ROR1: variants seen among roughly 807,000 people sequenced by gnomAD.
ROR1 encodes ROR family WNT receptor 1, also known as inactive tyrosine-protein kinase transmembrane receptor ROR1.
In ROR1, 19 loss-of-function variants were observed where a neutral mutation model predicts 78.8. The ratio of observed to expected loss-of-function variants is 0.24; its 90% confidence interval spans 0.17 to 0.35. The LOEUF (loss-of-function observed/expected upper bound fraction) is 0.35, where lower values mean the gene tolerates loss of function less well. ROR1 is among the 10% of genes least tolerant of loss of function. The pLI is 1.00. For missense variants in ROR1, 917 were observed against 1,177.8 expected (o/e 0.78, Z 3.24); for synonymous variants, 386 against 433.6 (o/e 0.89, Z 1.36).
intron 4 of ROR1, among the ~76,000 whole-genome samples, chr1:64,125,014 G>A (rs1408417): frequency 0.14 from 21,513 of 152,202 alleles, 2,008 homozygotes; most frequent in Non-Finnish European, 0.2. Context: ...TGCTTGCAAA[G>A]TTTGTATTGA....
intron 1 of ROR1, among the ~76,000 whole-genome samples, chr1:63,915,740 T>C (rs1308662682): frequency 1.3e-5 from 2 of 152,026 alleles, no homozygotes; most frequent in African/African-American, 2.4e-5. Context: ...TTTTTGATTT[T>C]GCCAGAAAGA....
intron 8 of ROR1, among the ~76,000 whole-genome samples, chr1:64,167,477 A>G (rs1284014048): frequency 6.6e-6 from 1 of 152,260 alleles, no homozygotes; most frequent in African/African-American, 2.4e-5. Context: ...ATAAGCCAGA[A>G]GGCACTTAAT....
At chr1:64,133,407 C>A (rs1368230958) in intron 4 of ROR1, among the ~76,000 whole-genome samples, 1 of 152,170 alleles carries the variant, frequency 6.6e-6, no homozygotes, top group African/African-American at 2.4e-5. Flanking sequence ...GATGGGCACT[C>A]CTTTTGCTGC....
intron 4 of ROR1, among the ~76,000 whole-genome samples, chr1:64,061,237 A>C (rs1206089330): frequency 6.6e-6 from 1 of 152,162 alleles, no homozygotes; most frequent in Non-Finnish European, 1.5e-5. Context: ...CATTTTTACC[A>C]AGTTTTTTTC....
At chr1:64,048,035 TG>T (rs1450386283) in intron 2 of ROR1, among the ~76,000 whole-genome samples, 1 of 152,182 alleles carries the variant, frequency 6.6e-6, no homozygotes, top group Non-Finnish European at 1.5e-5. Context: ...CTTCTGAATT[TG>T]GGGGGACGGA....
chr1:64,111,179 C>T (rs1648079469), intron 4 of ROR1: 1 of 152,136 alleles, frequency 6.6e-6, no homozygotes, highest in African/African-American at 2.4e-5. Flanking sequence ...AGGAGCCAGA[C>T]TTAAGAAAGT....
chr1:63,774,456 C>G lies in ROR1; in HGVS notation c.39C>G (p.Leu13=). The G allele has an allele frequency of 8.5e-7, 1 of 1,173,302 alleles. No homozygotes were observed. Among genetic ancestry groups the G allele is most frequent in the Non-Finnish European group, 1.0e-6 (1 of 955,214 alleles). 72.7% of individuals were successfully genotyped at this position (1,173,302 alleles called of 1,614,324 possible). The part of the protein sequence containing the change: ...RPRRRGTRPP[L]LALLAALLLA... ...GCCGCCGCGGGACGCGCCCGCCGCT[C>G]CTGGCGCTGCTGGCCGCGCTGCTGC... Residue 13 remains leucine, a synonymous_variant, in exon 1 of 9, where the codon CTC becomes CTG. Transcript: ENST00000371079. This position sits in a 1 kb window ranked among gnomAD's most constrained non-coding sequence, Gnocchi z 5.7.
chr1:64,017,150 GC>G (rs1646527955), intron 2 of ROR1, among the ~76,000 whole-genome samples: 1 of 151,890 alleles, frequency 6.6e-6, no homozygotes, highest in Non-Finnish European at 1.5e-5. Flanking sequence ...CAAGCAATCT[GC>G]CCCCTCGGCC....
intron 8 of ROR1, among the ~76,000 whole-genome samples, chr1:64,169,737 G>A (rs969745593): frequency 4.6e-5 from 7 of 152,220 alleles, no homozygotes; most frequent in Non-Finnish European, 7.3e-5. Flanking sequence ...CTATGAGCCT[G>A]TAAAATCAAA....
chr1:64,039,174 T>C (rs1464671965), intron 2 of ROR1, among the ~76,000 whole-genome samples: 1 of 152,196 alleles, frequency 6.6e-6, no homozygotes, highest in African/African-American at 2.4e-5. Context: ...AATACAGATC[T>C]TGCATAATGA....
chr1:63,791,054 G>C (rs1644723227), intron 1 of ROR1, among the ~76,000 whole-genome samples: 2 of 152,166 alleles, frequency 1.3e-5, no homozygotes, highest in Admixed American at 1.3e-4. Flanking sequence ...AGGCAGTAGT[G>C]GGGAGGAGAG....
intron 4 of ROR1, among the ~76,000 whole-genome samples, chr1:64,055,925 C>A (rs79054365): frequency 0.043 from 6,540 of 152,184 alleles, 466 homozygotes; most frequent in African/African-American, 0.15. Context: ...TAAGTAGAAT[C>A]CGACAATATT....
chr1:63,805,439 T>C (rs1472889290), intron 1 of ROR1, among the ~76,000 whole-genome samples: 2 of 152,146 alleles, frequency 1.3e-5, no homozygotes, highest in African/African-American at 2.4e-5. Context: ...AGAAAGAAGA[T>C]GGGGGCAAAT....
At chr1:64,127,896 T>A (rs1648770117) in intron 4 of ROR1, among the ~76,000 whole-genome samples, 1 of 152,068 alleles carries the variant, frequency 6.6e-6, no homozygotes, top group South Asian at 2.1e-4. Flanking sequence ...CCAGATGGCT[T>A]GTGAAGAACA....
chr1:63,832,986 C>A lies in ROR1; in HGVS notation c.91+58478C>A, dbSNP rs141021047. 3.2e-3 allele frequency among the ~76,000 whole-genome samples: 483 copies of A among 152,338 alleles called. 3 individuals carry two copies. Among genetic ancestry groups the A allele is most frequent in the African/African-American group, 0.011 (456 of 41,570 alleles). On this transcript the variant is annotated intron_variant, in intron 1 of 8. Transcript: ENST00000371079. ...CCCCCACCCACCACTTCACAATAAC[C>A]CATAAGCTGTAACCCTTACAATGCC... is the stretch of plus-strand genomic sequence containing the variant.
chr1:63,947,928 T>C (rs1255609092), intron 1 of ROR1, among the ~76,000 whole-genome samples: 1 of 152,184 alleles, frequency 6.6e-6, no homozygotes, highest in Non-Finnish European at 1.5e-5. Flanking sequence ...ATGTTGCTAA[T>C]AGTTGCTGTC....
At position 64,142,455 on chromosome 1, in the gene ROR1, G is replaced by A. The variant is rs1319670166; in HGVS notation, c.979G>A (p.Val327Met). Residue 327 changes from valine to methionine, a missense_variant, in exon 7 of 9, where the codon GTG (valine) becomes ATG (methionine). Physicochemically the swap from Val to Met is conservative, Grantham distance 21 (BLOSUM62 1). Coordinates refer to ENST00000371079, the MANE Select transcript of ROR1 (RefSeq NM_005012.4). Reference sequence around the variant, plus strand: ...TGTGGACTACCGGGGGACCGTCAGTGTGACCAAATCAGGGCGCCAGTGCCA... The same window carrying A: ...TGTGGACTACCGGGGGACCGTCAGTATGACCAAATCAGGGCGCCAGTGCCA... ...TGVDYRGTVS[V>M]TKSGRQCQPW... is the part of the protein sequence containing the mutation. 1.9e-6 allele frequency: 3 copies of A among 1,614,022 alleles called. No homozygotes were observed. The highest frequency in any genetic ancestry group is 1.1e-5 in the South Asian group (1 of 91,080).
intron 4 of ROR1, among the ~76,000 whole-genome samples, chr1:64,067,707 A>ATTTTTTTTTTTTTTTT (rs1557635987): frequency 1.5e-5 from 2 of 130,412 alleles, no homozygotes; most frequent in African/African-American, 6.3e-5. Context: ...AGTTAAATAA[A>ATTTTTTTTTTTTTTTT]TTCTTTTTTT....
intron 4 of ROR1, among the ~76,000 whole-genome samples, chr1:64,101,024 A>G (rs1458415218): frequency 1.3e-5 from 2 of 152,236 alleles, no homozygotes; most frequent in African/African-American, 4.8e-5. Flanking sequence ...GCATTCTTTT[A>G]CAAAAATAAA....
Sources: allele counts gnomAD v4.1 joint callset (sites outside exome capture counted in the v4.1 genomes callset), GRCh38; gene constraint gnomAD v4.1.1; non-coding constraint Gnocchi (gnomAD v3.1); transcripts MANE v1.5; gene names NCBI Gene and HGNC (gene_info 2026-07-23, HGNC 2026-07-21).